SPEF2: variants seen among roughly 807,000 people sequenced by gnomAD.
SPEF2 encodes the protein sperm flagellar and cilia associated 2.
A neutral mutation model predicts 224.6 loss-of-function variants in SPEF2; 187 were observed. The observed-to-expected ratio is 0.83, with a 90% CI of 0.74 to 0.94. The LOEUF is 0.94. SPEF2 is among the 40% of genes least tolerant of loss of function. The pLI is 0.00. For missense variants in SPEF2, 2,170 were observed against 2,135.6 expected (o/e 1.02, Z -0.32); for synonymous variants, 715 against 707.3 (o/e 1.01, Z -0.17).
intron 32 of SPEF2, 55 bp from the exon 33 acceptor site, chr5:35,795,648 G>C: frequency 6.6e-7 from 1 of 1,514,594 alleles, no homozygotes; most frequent in Non-Finnish European, 9.0e-7. Context: ...GCTTTTAGAG[G>C]AACATCTCAG....
chr5:35,717,038 C>A (rs1742710632), intron 20 of SPEF2, among the ~76,000 whole-genome samples: 1 of 152,164 alleles, frequency 6.6e-6, no homozygotes, highest in South Asian at 2.1e-4. Flanking sequence ...TTGCCACTGT[C>A]CCATTATGTT....
At chr5:35,628,361 T>A (rs926223240) in intron 1 of SPEF2, 99 bp from the exon 2 acceptor site, 22 of 643,012 alleles carry the variant, frequency 3.4e-5, no homozygotes, top group Admixed American at 1.6e-4. Flanking sequence ...GAGTTCCAGT[T>A]AAATTGTGTA....
At chr5:35,644,686 TG>T (rs1747100789) in intron 4 of SPEF2, among the ~76,000 whole-genome samples, 161 bp downstream of exon 4, 1 of 148,368 alleles carries the variant, frequency 6.7e-6, no homozygotes, top group Non-Finnish European at 1.5e-5. Context: ...CTCTCTCCCC[TG>T]CTCCTTTTCT....
At chr5:35,764,184 T>C (rs1751754188) in intron 26 of SPEF2, among the ~76,000 whole-genome samples, 1 of 152,134 alleles carries the variant, frequency 6.6e-6, no homozygotes, top group African/African-American at 2.4e-5. Context: ...TTTTAAAAAA[T>C]ATTCTGCAGA....
rs369084991 is a variant in SPEF2 at position 35,759,679 on chromosome 5, G to T, written c.3580G>T (p.Val1194Phe). 2 of 1,607,116 alleles carry T rather than the reference G, an allele frequency of 1.2e-6. No individual in the cohort carries two copies. The highest frequency in any genetic ancestry group is 1.7e-5 in the Admixed American group (1 of 59,886). Reference sequence around the variant, plus strand: ...CAAGAGATTTACTCGAATCCCTTTGGTCCAACTGGATAGTAAAGACAATTC... The same window carrying T: ...CAAGAGATTTACTCGAATCCCTTTGTTCCAACTGGATAGTAAAGACAATTC... ...DNKRFTRIPL[V>F]QLDSKDNSES... is the part of the protein sequence containing the mutation. Residue 1194 changes from valine to phenylalanine, a missense_variant, in exon 25 of 37, where the codon GTC becomes TTC. By Grantham distance (50) the Val-to-Phe change is conservative. Transcript: ENST00000356031.
intron 8 of SPEF2, among the ~76,000 whole-genome samples, chr5:35,664,234 G>A (rs1343698690): frequency 7.0e-6 from 1 of 143,828 alleles, no homozygotes; most frequent in Non-Finnish European, 1.5e-5. Flanking sequence ...GGCATGTAAA[G>A]TCCATAAGGG....
intron 24 of SPEF2, among the ~76,000 whole-genome samples, chr5:35,757,053 A>ATTAAAAATATTGTTTTTAATAAC (rs1750552089): frequency 1.3e-5 from 2 of 152,162 alleles, no homozygotes; most frequent in Admixed American, 6.6e-5. Context: ...CTTGTTTACT[A>ATTAAAAATATTGTTTTTAATAAC]TTAAAAATAT....
intron 10 of SPEF2, among the ~76,000 whole-genome samples, chr5:35,686,877 C>CAT (rs964721112): frequency 2.1e-4 from 32 of 151,834 alleles, no homozygotes; most frequent in Middle Eastern, 3.2e-3. Flanking sequence ...TGTATATACA[C>CAT]ATATATATAT....
chr5:35,763,601 A>C lies in SPEF2; in HGVS notation c.3700A>C (p.Lys1234Gln). 6.2e-7 allele frequency: 1 copy of C among 1,614,022 alleles called. No homozygotes were observed. Among genetic ancestry groups the C allele is most frequent in the South Asian group, 1.1e-5 (1 of 91,060 alleles). ...KPKTKSVLKG[K>Q]MDNSLENVES... The stretch of plus-strand genomic sequence containing the variant: ...AAAAACAAAATCAGTACTGAAGGGC[A>C]AGATGGATAACTCCCTAGAAAACGT... Residue 1234 changes from lysine (K) to glutamine (Q), a missense_variant, in exon 26 of 37, where the codon AAG becomes CAG. Coordinates refer to ENST00000356031, the MANE Select transcript of SPEF2 (RefSeq NM_024867.4).
chr5:35,760,827 A>G (rs1441513441), intron 25 of SPEF2, among the ~76,000 whole-genome samples: 4 of 152,206 alleles, frequency 2.6e-5, no homozygotes, highest in Non-Finnish European at 1.5e-5. Flanking sequence ...ACATTAAGAG[A>G]GCTAAAAGTA....
intron 27 of SPEF2, 63 bp downstream of exon 27, chr5:35,771,819 C>A: frequency 5.2e-6 from 8 of 1,529,332 alleles, no homozygotes; most frequent in Non-Finnish European, 7.0e-6. Context: ...AGAAAACGAG[C>A]ATTTAACTGG....
At chr5:35,804,260 G>A (rs1757794156) in intron 34 of SPEF2, among the ~76,000 whole-genome samples, 1 of 152,174 alleles carries the variant, frequency 6.6e-6, no homozygotes, top group African/African-American at 2.4e-5. Flanking sequence ...TAGCACTCTG[G>A]GGACACATTT....
At chr5:35,786,580 A>C (rs1417552093) in intron 30 of SPEF2, among the ~76,000 whole-genome samples, 3 of 152,186 alleles carry the variant, frequency 2.0e-5, no homozygotes, top group Non-Finnish European at 4.4e-5. Context: ...GAATTGCTTG[A>C]ACCCAGGAGG....
chr5:35,676,194 TA>T (rs1336025910), intron 10 of SPEF2, among the ~76,000 whole-genome samples: 2 of 152,204 alleles, frequency 1.3e-5, no homozygotes, highest in Non-Finnish European at 2.9e-5. Context: ...CACTCATTTT[TA>T]TTTGTTCTTG....
At chr5:35,768,983 GA>G (rs1752443254) in intron 26 of SPEF2, among the ~76,000 whole-genome samples, 1 of 152,034 alleles carries the variant, frequency 6.6e-6, no homozygotes, top group African/African-American at 2.4e-5. Context: ...TGATTTCAAA[GA>G]AACAAGTCAT....
chr5:35,694,407 GA>G (rs1561209666), intron 13 of SPEF2, 44 bp downstream of exon 13: 6 of 1,497,322 alleles, frequency 4.0e-6, no homozygotes, highest in African/African-American at 1.4e-5. Flanking sequence ...ATTAGAGAGA[GA>G]AACAATGAGA....
At chr5:35,666,992 C>T in intron 8 of SPEF2, 80 bp from the exon 9 acceptor site, 1 of 1,342,444 alleles carries the variant, frequency 7.4e-7, no homozygotes, top group East Asian at 2.6e-5. Context: ...TACTGAAAGA[C>T]TTTTTGGCCA....
chr5:35,708,767 G>C (rs1210199346), intron 18 of SPEF2, among the ~76,000 whole-genome samples, 181 bp from the exon 19 acceptor site: 2 of 1,712 alleles, frequency 1.2e-3, no homozygotes, highest in African/African-American at 7.2e-3. Context: ...TTTCTGACAA[G>C]GGAGAGAAGA....
rs868105767 is a variant in SPEF2 at position 35,668,477 on chromosome 5, T to C, written c.1355+1218T>C. The stretch of plus-strand genomic sequence containing the variant: ...AAAGTTATAGAAACTGAGAACAGAT[T>C]AGTGATTGCCAGGGGCTAAGAATGG... On this transcript the variant is annotated intron_variant, in intron 9 of 36. Transcript: ENST00000356031. Among the ~76,000 whole-genome samples, 9 of 152,140 alleles carry C rather than the reference T, an allele frequency of 5.9e-5. No homozygotes were observed. The South Asian group carries it at 1.5e-3, about 25-fold the overall frequency.
Sources: gnomAD v4.1 joint callset for allele counts (sites outside exome capture counted in the v4.1 genomes callset) on GRCh38, gnomAD v4.1.1 for gene constraint, MANE v1.5 for transcripts, NCBI Gene and HGNC (gene_info 2026-07-23, HGNC 2026-07-21) for gene names.